MECOM: variants seen among roughly 807,000 people sequenced by gnomAD.
MECOM encodes MDS1 and EVI1 complex locus.
MECOM carries 13 observed loss-of-function variants against 116.3 expected under a neutral mutation model. That is an observed-to-expected ratio of 0.11 (90% confidence interval 0.07 to 0.18). The LOEUF is 0.18. MECOM is among the 10% of genes least tolerant of loss of function. The probability of loss-of-function intolerance (pLI) is 1.00; values close to 1 mark genes in which losing one functional copy is unlikely to be tolerated. For synonymous variants in MECOM, 528 were observed against 535.2 expected (o/e 0.99, Z 0.19); for missense variants, 1,299 against 1,509.0 (o/e 0.86, Z 2.31).
At chr3:169,507,555 G>A (rs1210414708) in intron 1 of MECOM, among the ~76,000 whole-genome samples, 1 of 150,482 alleles carries the variant, frequency 6.6e-6, no homozygotes, top group East Asian at 1.9e-4. Flanking sequence ...GTTTTATAGG[G>A]TTTTCTTTTT....
intron 8 of MECOM, among the ~76,000 whole-genome samples, chr3:169,113,795 ATAC>A (rs1409839660): frequency 1.3e-5 from 2 of 152,134 alleles, no homozygotes; most frequent in Non-Finnish European, 2.9e-5. Flanking sequence ...TGTGTTGCAT[ATAC>A]TATTTCACTT....
chr3:169,314,049 TC>T (rs1246149758), intron 2 of MECOM, among the ~76,000 whole-genome samples: 1 of 152,208 alleles, frequency 6.6e-6, no homozygotes, highest in Non-Finnish European at 1.5e-5. Context: ...CCCAGTCCCA[TC>T]TTATTTCTGA....
In MECOM at chr3:169,302,876, C is replaced by T. The variant is rs139580669; in HGVS notation, c.375+78311G>A. Among the ~76,000 whole-genome samples, 76 of 151,560 alleles carry T rather than the reference C, an allele frequency of 5.0e-4. No homozygotes were observed. The East Asian group carries it at 0.013, about 25-fold the overall frequency. ...GAGACTCTGTCTCAAAAAAAAAAAG[C>T]GTAACATTTTAGAAACAAACTAGAT... is the stretch of plus-strand genomic sequence containing the variant. On this transcript the variant is annotated intron_variant, in intron 2 of 16. Transcript: ENST00000651503.
chr3:169,163,803 C>T (rs142088605), intron 2 of MECOM, among the ~76,000 whole-genome samples: 3 of 152,070 alleles, frequency 2.0e-5, no homozygotes, highest in South Asian at 2.1e-4. Flanking sequence ...AAGGTCACTC[C>T]GAGCCAACCA....
chr3:169,540,175 C>G (rs1031205292), intron 1 of MECOM, among the ~76,000 whole-genome samples: 4 of 152,170 alleles, frequency 2.6e-5, no homozygotes, highest in African/African-American at 9.7e-5. Context: ...TAAAAGGGTG[C>G]ATTCCCAACC....
intron 1 of MECOM, among the ~76,000 whole-genome samples, chr3:169,614,370 C>T (rs935349150): frequency 1.3e-5 from 2 of 151,920 alleles, no homozygotes; most frequent in Admixed American, 6.6e-5. Context: ...AGCAACTACC[C>T]TCATGCATAT....
chr3:169,157,578 G>A (rs1742177479), intron 2 of MECOM, among the ~76,000 whole-genome samples: 1 of 152,142 alleles, frequency 6.6e-6, no homozygotes, highest in Non-Finnish European at 1.5e-5. Context: ...ATATCATTGT[G>A]AAAATATGGA....
chr3:169,463,809 TTTGCACC>T (rs1338634521), intron 1 of MECOM: 2 of 152,198 alleles, frequency 1.3e-5, no homozygotes, highest in African/African-American at 4.8e-5. Flanking sequence ...TAAATGGTAA[TTTGCACC>T]TTCACTGTCA....
At chr3:169,116,760 A>G in intron 7 of MECOM, 21 bp from the exon 8 acceptor site, 1 of 1,555,978 alleles carries the variant, frequency 6.4e-7, no homozygotes, top group Non-Finnish European at 8.7e-7. Flanking sequence ...ACAACAAAAA[A>G]GAATCTCAGG....
chr3:169,299,957 C>T (rs1336705801), intron 2 of MECOM, among the ~76,000 whole-genome samples: 1 of 152,102 alleles, frequency 6.6e-6, no homozygotes, highest in Admixed American at 6.5e-5. Context: ...CATATCATTT[C>T]ACTTTCCTTT....
chr3:169,332,233 G>A (rs866302161), intron 2 of MECOM, among the ~76,000 whole-genome samples: 2 of 152,096 alleles, frequency 1.3e-5, no homozygotes, highest in Middle Eastern at 3.4e-3. Context: ...TCATTATTCA[G>A]GGAAAAGGAG....
At chr3:169,531,779 G>C (rs1758658668) in intron 1 of MECOM, among the ~76,000 whole-genome samples, 1 of 152,162 alleles carries the variant, frequency 6.6e-6, no homozygotes, top group African/African-American at 2.4e-5. Context: ...CCTAAAAATA[G>C]CTTTATTAAT....
chr3:169,102,251 T>A, intron 10 of MECOM, 25 bp from the exon 11 acceptor site: 2 of 1,589,896 alleles, frequency 1.3e-6, no homozygotes, highest in Non-Finnish European at 1.7e-6. Context: ...CACAAGACCA[T>A]GAAGCGTTTG....
intron 1 of MECOM, among the ~76,000 whole-genome samples, chr3:169,657,097 G>A (rs748100747): frequency 6.6e-6 from 1 of 152,186 alleles, no homozygotes; most frequent in South Asian, 2.1e-4. Context: ...ATACCAATAG[G>A]GAAGGGGGAT....
At chr3:169,650,176 A>C (rs189788806) in intron 1 of MECOM, among the ~76,000 whole-genome samples, 1 of 152,380 alleles carries the variant, frequency 6.6e-6, no homozygotes, top group East Asian at 1.9e-4. Context: ...TTAAAAGTAA[A>C]AGATAGTTTC....
chr3:169,477,879 G>A (rs538665410), intron 1 of MECOM, among the ~76,000 whole-genome samples: 38 of 152,314 alleles, frequency 2.5e-4, no homozygotes, highest in African/African-American at 5.5e-4. Context: ...TAGACAAAGC[G>A]CAAGCACAGG....
intron 2 of MECOM, among the ~76,000 whole-genome samples, chr3:169,149,303 T>G (rs1400808984): frequency 6.6e-6 from 1 of 152,138 alleles, no homozygotes; most frequent in East Asian, 1.9e-4. Flanking sequence ...TTTACAAAAC[T>G]GCTTTCAAAA....
At chr3:169,545,312 C>T (rs1475347679) in intron 1 of MECOM, among the ~76,000 whole-genome samples, 1 of 152,114 alleles carries the variant, frequency 6.6e-6, no homozygotes, top group African/African-American at 2.4e-5. Context: ...ACAAACTGAG[C>T]TGAAGTTTAA....
At chr3:169,205,860 C>T (rs970580411) in intron 2 of MECOM, among the ~76,000 whole-genome samples, 1 of 152,100 alleles carries the variant, frequency 6.6e-6, no homozygotes, top group Non-Finnish European at 1.5e-5. Flanking sequence ...AAATAATAAT[C>T]ACATGAACAA....
Sources: allele counts gnomAD v4.1 joint callset (sites outside exome capture counted in the v4.1 genomes callset), GRCh38; gene constraint gnomAD v4.1.1; transcripts MANE v1.5; gene names NCBI Gene and HGNC (gene_info 2026-07-23, HGNC 2026-07-21).